The following TENM2 variants were observed in gnomAD, a reference collection of about 807,000 sequenced individuals.
TENM2 encodes teneurin-2.
A neutral mutation model predicts 245.2 loss-of-function variants in TENM2; 52 were observed. The observed-to-expected ratio is 0.21, with a 90% CI of 0.17 to 0.27. The LOEUF (loss-of-function observed/expected upper bound fraction) is 0.27, where lower values mean the gene tolerates loss of function less well. TENM2 is among the 10% of genes least tolerant of loss of function. The pLI, the probability that TENM2 is intolerant of heterozygous loss-of-function variation, is 1.00. For synonymous variants in TENM2, 1,363 were observed against 1,438.9 expected (o/e 0.95, Z 1.19); for missense variants, 3,046 against 3,666.8 (o/e 0.83, Z 4.37).
chr5:167,194,148 C>T, the TENM2 span, among the ~76,000 whole-genome samples: 48 of 151,990 alleles, frequency 3.2e-4, no homozygotes, highest in African/African-American at 1.1e-3. Flanking sequence ...CCATAACAGC[C>T]GCCTACACCC....
At chr5:167,327,884 C>CA (rs1270221479) in intron 1 of TENM2, among the ~76,000 whole-genome samples, 1 of 152,098 alleles carries the variant, frequency 6.6e-6, no homozygotes, top group Non-Finnish European at 1.5e-5. Flanking sequence ...CTAATTTCTG[C>CA]AAAACGAATT....
intron 2 of TENM2, among the ~76,000 whole-genome samples, chr5:167,560,175 C>T (rs1312732452): frequency 6.6e-6 from 1 of 152,194 alleles, no homozygotes; most frequent in Non-Finnish European, 1.5e-5. Flanking sequence ...AGGCTCCAGT[C>T]CACATCTACT....
chr5:166,997,646 G>A, the TENM2 span, among the ~76,000 whole-genome samples: 146,621 of 152,318 alleles, frequency 0.96, 70,643 homozygotes, highest in African/African-American at 0.99. Flanking sequence ...ATTGTACACA[G>A]AAGTACAGAG....
At chr5:168,046,060 T>A (rs529958149) in intron 5 of TENM2, among the ~76,000 whole-genome samples, 28 of 152,206 alleles carry the variant, frequency 1.8e-4, no homozygotes, top group Non-Finnish European at 3.5e-4. Context: ...GAGAAGAGTG[T>A]AAGTGAAAAG....
intron 1 of TENM2, among the ~76,000 whole-genome samples, chr5:167,346,996 A>T (rs1758499711): frequency 6.6e-6 from 1 of 151,722 alleles, no homozygotes; most frequent in Non-Finnish European, 1.5e-5. Context: ...CTGGTCTTAA[A>T]CTCCCGAGCT....
Position 167,625,130 on chromosome 5 carries a change from C to T in TENM2, c.502+249657C>T, listed in dbSNP as rs564910742. ...CTTTTCACAGGGAGACATGTTTAGACTTTGAGGGCTCATCATCATCAGATA... is the reference window on the plus strand; with the variant it reads ...CTTTTCACAGGGAGACATGTTTAGATTTTGAGGGCTCATCATCATCAGATA... On this transcript the variant is annotated intron_variant, in intron 2 of 28. Transcript: ENST00000518659. Among the ~76,000 whole-genome samples the T allele has an allele frequency of 1.2e-3, 182 of 152,230 alleles. 1 individual carries two copies. Among genetic ancestry groups the T allele is most frequent in the African/African-American group, 4.2e-3 (174 of 41,546 alleles).
At chr5:167,802,452 A>G (rs1464353291) in intron 2 of TENM2, among the ~76,000 whole-genome samples, 1 of 152,214 alleles carries the variant, frequency 6.6e-6, no homozygotes, top group East Asian at 1.9e-4. Context: ...ATGATGTACA[A>G]TAACCCTGCT....
At chr5:168,263,002 A>C, downstream of TENM2, 2 of 543,612 alleles carry the variant, frequency 3.7e-6, no homozygotes, top group Admixed American at 6.6e-5. Context: ...CCTGAAGTAG[A>C]CTAAAGCCCG....
the TENM2 span, among the ~76,000 whole-genome samples, chr5:167,048,134 A>G: frequency 9.9e-5 from 15 of 152,134 alleles, no homozygotes; most frequent in Non-Finnish European, 2.9e-5. Flanking sequence ...TTATTTGGCT[A>G]TGTTTCCCCT....
At chr5:167,136,944 T>G in the TENM2 span, among the ~76,000 whole-genome samples, 6 of 152,274 alleles carry the variant, frequency 3.9e-5, no homozygotes, top group African/African-American at 1.2e-4. Flanking sequence ...CAACATAAAT[T>G]TATTTCTCAC....
At position 167,671,734 on chromosome 5, in the gene TENM2, G is replaced by GAT. The variant is rs554342867; in HGVS notation, c.503-204241_503-204240dup. Among the ~76,000 whole-genome samples the GAT allele has an allele frequency of 1.1e-4, 17 of 149,660 alleles. No homozygotes were observed. The South Asian group carries it at 1.7e-3, about 15-fold the overall frequency. On this transcript the variant is annotated intron_variant, in intron 2 of 28. Coordinates refer to ENST00000518659, the Ensembl canonical transcript of TENM2. ...TACGTAAATAAAATCTTTAGCTACA[G>GAT]ATATATATATATTTATAGCTACAGA...
chr5:167,863,609 A>G (rs1217095196), intron 2 of TENM2, among the ~76,000 whole-genome samples: 2 of 152,082 alleles, frequency 1.3e-5, no homozygotes, highest in African/African-American at 4.8e-5. Flanking sequence ...GTGCCACTGT[A>G]CTCCAGCCTG....
chr5:167,039,290 C>A, the TENM2 span, among the ~76,000 whole-genome samples: 1 of 152,058 alleles, frequency 6.6e-6, no homozygotes, highest in Non-Finnish European at 1.5e-5. Flanking sequence ...CTGGCACAGA[C>A]CCCCGCACTG....
At chr5:167,278,045 T>G in the TENM2 span, among the ~76,000 whole-genome samples, 1 of 152,196 alleles carries the variant, frequency 6.6e-6, no homozygotes, top group South Asian at 2.1e-4. Context: ...GGCTCATGCC[T>G]GTAATCCCAG....
At chr5:167,440,346 G>A (rs904156441) in intron 2 of TENM2, among the ~76,000 whole-genome samples, 4 of 152,146 alleles carry the variant, frequency 2.6e-5, no homozygotes, top group African/African-American at 9.7e-5. Context: ...TGGAGAGATG[G>A]CTAATAGTGT....
the TENM2 span, among the ~76,000 whole-genome samples, chr5:166,985,160 A>C: frequency 6.6e-6 from 1 of 152,256 alleles, no homozygotes; most frequent in Admixed American, 6.5e-5. Flanking sequence ...CTCAGGCAGT[A>C]ATTGCATACA....
At chr5:167,233,400 G>C in the TENM2 span, among the ~76,000 whole-genome samples, 1 of 152,134 alleles carries the variant, frequency 6.6e-6, no homozygotes, top group Admixed American at 6.5e-5. Context: ...TATCAAGCAG[G>C]AAACAAGTTA....
chr5:167,644,996 T>C (rs1477355898), intron 2 of TENM2, among the ~76,000 whole-genome samples: 2 of 152,206 alleles, frequency 1.3e-5, no homozygotes, highest in African/African-American at 4.8e-5. Context: ...CAGCATGTTA[T>C]TATGTTATTG....
intron 2 of TENM2, among the ~76,000 whole-genome samples, chr5:167,682,729 G>C (rs1403905523): frequency 6.6e-6 from 1 of 152,014 alleles, no homozygotes; most frequent in East Asian, 1.9e-4. Context: ...GCGTGGCTTG[G>C]TTCCCAACAG....
Sources: gnomAD v4.1 joint callset for allele counts (sites outside exome capture counted in the v4.1 genomes callset) on GRCh38, gnomAD v4.1.1 for gene constraint, MANE v1.5 for transcripts, NCBI Gene and HGNC (gene_info 2026-07-23, HGNC 2026-07-21) for gene names.